The following DACH2 variants were observed in gnomAD, a reference collection of about 807,000 sequenced individuals.
DACH2 encodes dachshund family transcription factor 2.
In DACH2, 17 loss-of-function variants were observed where a neutral mutation model predicts 35.8. The observed-to-expected ratio is 0.48, with a 90% CI of 0.33 to 0.71. The LOEUF is 0.71. Ranked by LOEUF, DACH2 falls within the 30% of genes least tolerant of loss-of-function variation. The pLI, the probability that DACH2 is intolerant of heterozygous loss-of-function variation, is 0.02. For synonymous variants in DACH2, 195 were observed against 177.3 expected, an observed-to-expected ratio of 1.10 and a Z score of -0.79; for missense variants, 469 against 472.7, an observed-to-expected ratio of 0.99 and a Z score of 0.07.
chrX:86,830,900 A>G (rs980744194), intron 11 of DACH2: 11 of 111,453 alleles, frequency 9.9e-5, no homozygotes, highest in Admixed American at 2.9e-4. Context: ...CAGACTCCAC[A>G]AAGGAGTTGG....
At chrX:86,435,890 A>G (rs1406225614) in intron 2 of DACH2, among the ~76,000 whole-genome samples, 4 of 111,821 alleles carry the variant, frequency 3.6e-5, no homozygotes, top group Non-Finnish European at 5.7e-5. Flanking sequence ...CCTATGATTT[A>G]ACAAGGGATT....
chrX:86,216,208 G>T lies in DACH2; in HGVS notation c.488+67100G>T, dbSNP rs370431801. Among the ~76,000 whole-genome samples, 5 of 112,098 alleles carry T rather than the reference G, an allele frequency of 4.5e-5. No homozygotes were observed. In the South Asian group the frequency reaches 1.8e-3, roughly 41 times the overall value. On this transcript the variant is annotated intron_variant, in intron 1 of 11. Coordinates refer to ENST00000373125, the MANE Select transcript of DACH2 (RefSeq NM_053281.3). ...ACAGATTGCCAAATATTAGCATGGA[G>T]ATATGTATTTTTTAAATTACACTAA...
At chrX:86,168,678 C>A (rs1010572517) in intron 1 of DACH2, among the ~76,000 whole-genome samples, 2 of 102,737 alleles carry the variant, frequency 1.9e-5, no homozygotes, top group African/African-American at 7.1e-5. Flanking sequence ...TTTTGCATGT[C>A]TTTTGGTTTG....
At chrX:86,622,576 G>A (rs1164447590) in intron 3 of DACH2, among the ~76,000 whole-genome samples, 1 of 111,502 alleles carries the variant, frequency 9.0e-6, no homozygotes, top group Non-Finnish European at 1.9e-5. Context: ...CAGGTCAGTG[G>A]AAATATGTTA....
At chrX:86,236,318 G>A (rs764725479) in intron 1 of DACH2, among the ~76,000 whole-genome samples, 1 of 111,910 alleles carries the variant, frequency 8.9e-6, no homozygotes, top group South Asian at 3.7e-4. Context: ...GTACATTGTG[G>A]ACACATAAGT....
chrX:86,225,838 T>G (rs193123527), intron 1 of DACH2, among the ~76,000 whole-genome samples: 1 of 111,808 alleles, frequency 8.9e-6, no homozygotes, highest in East Asian at 2.8e-4. Flanking sequence ...CTTTTTGTTA[T>G]TCATATCTAT....
In DACH2 at chrX:86,514,386, C is replaced by G. The variant is rs963035467; in HGVS notation, c.635C>G (p.Pro212Arg). 1.5e-5 allele frequency: 18 copies of G among 1,203,396 alleles called. No homozygotes were observed. The Admixed American group carries it at 2.6e-4, about 18-fold the overall frequency. ...PGLLSPGLIT[P>R]TGITAAAMAE... ...CTCTTATCGCCAGGACTTATCACTC[C>G]GACAGGTAATAAAATCCATCTGATG... Residue 212 changes from proline (P) to arginine (R), a missense_variant, in exon 3 of 12, where the codon CCG (proline) becomes CGG (arginine). This residue lies in a region of DACH2 where 363 missense variants were observed against 334.4 expected (regional missense o/e 1.09). Transcript: ENST00000373125.
chrX:86,293,264 GT>G (rs2034352215), intron 1 of DACH2, among the ~76,000 whole-genome samples: 1 of 103,769 alleles, frequency 9.6e-6, no homozygotes, highest in Non-Finnish European at 2.0e-5. Context: ...CTTTTTTTTT[GT>G]TTTCCATTTG....
At chrX:86,453,345 G>C (rs778345319) in intron 2 of DACH2, among the ~76,000 whole-genome samples, 23 of 112,199 alleles carry the variant, frequency 2.0e-4, no homozygotes, top group Admixed American at 5.7e-4. Flanking sequence ...ATCCAGAGCT[G>C]AGTTTAGGCC....
intron 1 of DACH2, among the ~76,000 whole-genome samples, chrX:86,220,039 G>A (rs2032668709): frequency 9.8e-6 from 1 of 101,799 alleles, no homozygotes; most frequent in Admixed American, 1.1e-4. Flanking sequence ...GGTGGTGCAT[G>A]CCTGTAGTTC....
rs967332236 is a variant in DACH2 at position 86,597,598 on chromosome X, A to C, written c.641-53438A>C. Among the ~76,000 whole-genome samples, 15 of 111,678 alleles carry C rather than the reference A, an allele frequency of 1.3e-4. 1 individual carries two copies. Among genetic ancestry groups the C allele is most frequent in the Middle Eastern group, 8.4e-3 (2 of 238 alleles). ...TCTAGCATGTGGTTTATCCTGGAGA[A>C]TGTTCCATCCATATGCACTTGAGAG... On this transcript the variant is annotated intron_variant, in intron 3 of 11. Transcript: ENST00000373125.
intron 3 of DACH2, among the ~76,000 whole-genome samples, chrX:86,531,012 TG>T (rs2038711655): frequency 8.9e-6 from 1 of 111,918 alleles, no homozygotes; most frequent in African/African-American, 3.3e-5. Context: ...TGTGGACCTT[TG>T]AACTTAAAAG....
chrX:86,289,322 G>A (rs2034220815), intron 1 of DACH2, among the ~76,000 whole-genome samples: 1 of 107,103 alleles, frequency 9.3e-6, no homozygotes, highest in Non-Finnish European at 1.9e-5. Flanking sequence ...GTATCTTTTG[G>A]AACTGCGAGC....
intron 3 of DACH2, among the ~76,000 whole-genome samples, chrX:86,563,560 A>G (rs889430810): frequency 6.3e-5 from 7 of 111,213 alleles, no homozygotes; most frequent in Admixed American, 1.9e-4. Flanking sequence ...CAATGCAAAT[A>G]TGATACAATG....
intron 2 of DACH2, among the ~76,000 whole-genome samples, chrX:86,403,267 G>T (rs369509784): frequency 9.0e-6 from 1 of 111,613 alleles, no homozygotes; most frequent in Non-Finnish European, 1.9e-5. Flanking sequence ...ATGGGAGAAA[G>T]TATTCACAAA....
rs542810922 is a variant in DACH2, at chrX:86,161,533, T to G, written c.488+12425T>G. ...ATTATAGCTTTGGATTAGAATGCAT[T>G]GATGAGTATAACTCTAAATCAGATT... On this transcript the variant is annotated intron_variant, in intron 1 of 11. Coordinates refer to ENST00000373125, the MANE Select transcript of DACH2 (RefSeq NM_053281.3). Among the ~76,000 whole-genome samples, 34 of 112,552 alleles carry G rather than the reference T, an allele frequency of 3.0e-4. No homozygotes were observed. The South Asian group carries it at 0.011, about 37-fold the overall frequency.
chrX:86,388,885 A>G (rs993777682), intron 2 of DACH2, among the ~76,000 whole-genome samples: 1 of 111,623 alleles, frequency 9.0e-6, no homozygotes, highest in Non-Finnish European at 1.9e-5. Flanking sequence ...AGTTAATTTT[A>G]TGGCATTGCT....
intron 2 of DACH2, among the ~76,000 whole-genome samples, chrX:86,501,604 CTGACCTTGCTAACAACTGACCTT>C (rs2038249609): frequency 8.9e-6 from 1 of 111,992 alleles, no homozygotes; most frequent in Admixed American, 9.5e-5. Context: ...TGTTACCTTG[CTGACCTTGCTAACAACTGACCTT>C]GCTTCCCCAC....
intron 1 of DACH2, among the ~76,000 whole-genome samples, chrX:86,297,376 G>T (rs755785392): frequency 5.4e-5 from 6 of 111,338 alleles, no homozygotes; most frequent in African/African-American, 1.6e-4. Context: ...TTTGTCAGTT[G>T]CAGTGGTGTG....
Sources: allele counts gnomAD v4.1 joint callset (sites outside exome capture counted in the v4.1 genomes callset), GRCh38; gene constraint gnomAD v4.1.1; regional missense constraint gnomAD v4.1.1; transcripts MANE v1.5; gene names NCBI Gene and HGNC (gene_info 2026-07-23, HGNC 2026-07-21).